CCDC171: variants seen among roughly 807,000 people sequenced by gnomAD.
CCDC171 encodes the protein coiled-coil domain-containing protein 171.
Under a neutral mutation model 168.2 loss-of-function variants are expected in CCDC171, and 177 were observed. The ratio of observed to expected loss-of-function variants is 1.05; its 90% CI spans 0.93 to 1.19. The LOEUF (loss-of-function observed/expected upper bound fraction) is 1.19. Ranked by LOEUF, CCDC171 falls within the 50% of genes most tolerant of loss-of-function variation. CCDC171 has a pLI of 0.00. For synonymous variants in CCDC171, 687 were observed against 540.8 expected, an observed-to-expected ratio of 1.27 and a Z score of -3.75; for missense variants, 1,991 against 1,539.0, an observed-to-expected ratio of 1.29 and a Z score of -4.91.
At chr9:16,000,273 C>T (rs976282365) in intron 3 of CCDC171, among the ~76,000 whole-genome samples, 2 of 152,080 alleles carry the variant, frequency 1.3e-5, no homozygotes. Flanking sequence ...AAAGCCTTTT[C>T]TTTCCGTATT....
the CCDC171 span, among the ~76,000 whole-genome samples, chr9:16,093,687 A>G: frequency 6.6e-6 from 1 of 152,218 alleles, no homozygotes; most frequent in Admixed American, 6.5e-5. Context: ...CTTAAGGCTG[A>G]GTTCTTAAGA....
intron 23 of CCDC171, among the ~76,000 whole-genome samples, chr9:15,862,489 T>C (rs2061602822): frequency 1.3e-5 from 2 of 152,216 alleles, no homozygotes; most frequent in South Asian, 4.1e-4. Context: ...GACAGTATTT[T>C]GAATTCTCTT....
intron 6 of CCDC171, among the ~76,000 whole-genome samples, chr9:15,600,585 G>T (rs1204002638): frequency 2.0e-5 from 3 of 152,158 alleles, no homozygotes; most frequent in African/African-American, 7.2e-5. Context: ...CGGGGGTCCG[G>T]GACCCACTTG....
At chr9:15,794,357 C>T (rs763726306) in intron 21 of CCDC171, among the ~76,000 whole-genome samples, 4 of 151,878 alleles carry the variant, frequency 2.6e-5, no homozygotes, top group Non-Finnish European at 4.4e-5. Context: ...CCCAGCTAGT[C>T]GGGAGGCTGA....
intron 24 of CCDC171, among the ~76,000 whole-genome samples, chr9:15,879,499 A>G (rs1005507812): frequency 1.3e-4 from 20 of 152,064 alleles, no homozygotes; most frequent in Admixed American, 1.2e-3. Context: ...GTTAATTATA[A>G]TTTCCCTATT....
chr9:15,958,450 CAT>C (rs999033935), intron 25 of CCDC171, among the ~76,000 whole-genome samples: 3 of 151,068 alleles, frequency 2.0e-5, no homozygotes, highest in African/African-American at 4.9e-5. Flanking sequence ...TCTAAGCAAA[CAT>C]AAGACTGTGA....
Position 15,695,215 on chromosome 9 carries a change from A to T in CCDC171, c.1216-20A>T, listed in dbSNP as rs780072169. The stretch of plus-strand genomic sequence containing the variant: ...CTTATAATACGTGACCTTATGTGTA[A>T]TTTTTTTCTTAATTAAAAGGCTAAG... On this transcript the variant is annotated intron_variant, in intron 10 of 25. Coordinates refer to ENST00000380701, the MANE Select transcript of CCDC171 (RefSeq NM_173550.4). 5.1e-6 allele frequency: 8 copies of T among 1,570,656 alleles called. No individual in the cohort carries two copies. In the East Asian group the frequency reaches 6.7e-5, roughly 13 times the overall value.
intron 3 of CCDC171, among the ~76,000 whole-genome samples, chr9:16,013,275 A>T (rs1832922604): frequency 6.6e-6 from 1 of 152,094 alleles, no homozygotes; most frequent in South Asian, 2.1e-4. Flanking sequence ...CTCTCCAGTC[A>T]GGCCATCATT....
chr9:15,798,420 TC>T (rs2058662173), intron 21 of CCDC171, among the ~76,000 whole-genome samples: 1 of 152,146 alleles, frequency 6.6e-6, no homozygotes, highest in African/African-American at 2.4e-5. Context: ...TTTTATTATT[TC>T]CTTTTTTTTA....
At chr9:15,867,940 A>T (rs190047915) in intron 23 of CCDC171, among the ~76,000 whole-genome samples, 40 of 152,192 alleles carry the variant, frequency 2.6e-4, no homozygotes, top group African/African-American at 8.4e-4. Context: ...TTATCATGTT[A>T]TATAGTGACT....
chr9:15,893,912 A>G (rs566056996), intron 24 of CCDC171, among the ~76,000 whole-genome samples: 39 of 152,308 alleles, frequency 2.6e-4, no homozygotes, highest in Middle Eastern at 3.4e-3. Context: ...TGACCCAGCA[A>G]TCCCATTACT....
chr9:15,656,577 A>G (rs1213673983), intron 7 of CCDC171, among the ~76,000 whole-genome samples: 1 of 152,238 alleles, frequency 6.6e-6, no homozygotes, highest in Non-Finnish European at 1.5e-5. Context: ...CTATTGATGC[A>G]TGCAACCACA....
intron 6 of CCDC171, among the ~76,000 whole-genome samples, chr9:16,030,664 G>GA (rs1040014680): frequency 3.9e-5 from 6 of 152,182 alleles, no homozygotes; most frequent in Non-Finnish European, 8.8e-5. Flanking sequence ...CCACAGGGAG[G>GA]AAAGAGGTGA....
chr9:15,590,771 C>CTTTCTCTTTCTT (rs1287033772), intron 4 of CCDC171, among the ~76,000 whole-genome samples: 3 of 122,520 alleles, frequency 2.4e-5, no homozygotes, highest in Admixed American at 8.3e-5. Flanking sequence ...TTCTTTCTTT[C>CTTTCTCTTTCTT]TCTTTCTTTC....
chr9:15,947,402 T>G (rs1037506661), intron 25 of CCDC171, among the ~76,000 whole-genome samples: 7 of 152,102 alleles, frequency 4.6e-5, no homozygotes, highest in Non-Finnish European at 7.4e-5. Context: ...CTATTTTTTC[T>G]CTATTATTTT....
chr9:16,015,142 G>A (rs1257262616), intron 3 of CCDC171, among the ~76,000 whole-genome samples: 1 of 152,098 alleles, frequency 6.6e-6, no homozygotes, highest in Non-Finnish European at 1.5e-5. Flanking sequence ...GTGTAGTATA[G>A]CCATGTTCAT....
chr9:15,620,878 G>A (rs561605633), intron 6 of CCDC171, among the ~76,000 whole-genome samples: 1 of 152,224 alleles, frequency 6.6e-6, no homozygotes, highest in South Asian at 2.1e-4. Context: ...CAAACATTGA[G>A]TTAGGACCTT....
chr9:15,805,779 T>C (rs1192098966), intron 21 of CCDC171, among the ~76,000 whole-genome samples: 1 of 152,164 alleles, frequency 6.6e-6, no homozygotes, highest in African/African-American at 2.4e-5. Flanking sequence ...GATCCTGAGC[T>C]AAGTTCAGGT....
chr9:15,963,160 A>T (rs933987115), intron 25 of CCDC171, among the ~76,000 whole-genome samples: 5 of 152,224 alleles, frequency 3.3e-5, no homozygotes, highest in Middle Eastern at 3.4e-3. Flanking sequence ...GAAGGGGAAC[A>T]TCACACACCG....
Sources: allele counts gnomAD v4.1 joint callset (sites outside exome capture counted in the v4.1 genomes callset), GRCh38; gene constraint gnomAD v4.1.1; transcripts MANE v1.5; gene names NCBI Gene and HGNC (gene_info 2026-07-23, HGNC 2026-07-21).